TENM3: variants seen among roughly 807,000 people sequenced by gnomAD.
TENM3 encodes teneurin transmembrane protein 3, also known as teneurin-3.
TENM3 carries 63 observed loss-of-function variants against 255.1 expected under a neutral mutation model. The ratio of observed to expected loss-of-function variants is 0.25; its 90% CI spans 0.20 to 0.30. The LOEUF is 0.30. Among genes scored for constraint, TENM3 ranks in the 10% least tolerant of loss-of-function variants. TENM3 has a pLI of 1.00. For synonymous variants in TENM3, 1,306 were observed against 1,322.3 expected, an observed-to-expected ratio of 0.99 and a Z score of 0.27; for missense variants, 2,929 against 3,461.1, an observed-to-expected ratio of 0.85 and a Z score of 3.86.
At chr4:181,924,661 C>T in the TENM3 span, among the ~76,000 whole-genome samples, 1 of 152,070 alleles carries the variant, frequency 6.6e-6, no homozygotes, top group Non-Finnish European at 1.5e-5. Context: ...TTTACATATT[C>T]ATCTTTTAAA....
intron 1 of TENM3, among the ~76,000 whole-genome samples, chr4:182,185,170 C>T (rs1160169977): frequency 1.3e-5 from 2 of 152,102 alleles, no homozygotes; most frequent in Non-Finnish European, 2.9e-5. Flanking sequence ...GGGTGTCTTC[C>T]ATCAGTCTTA....
intron 19 of TENM3, among the ~76,000 whole-genome samples, chr4:182,747,942 C>G (rs145206292): frequency 1.1e-3 from 172 of 152,264 alleles, no homozygotes; most frequent in African/African-American, 4.0e-3. Context: ...CTTCAAATGT[C>G]TTGTGTTCTA....
rs1392294089 is a variant in TENM3 at position 182,158,444 on chromosome 4, C to T, written c.-76+13690C>T. On this transcript the variant is annotated intron_variant, in intron 1 of 2. Transcript: ENST00000512480. The stretch of plus-strand genomic sequence containing the variant: ...GCAGTAGGTCTCCAGCAGAGGCTGC[C>T]TCATGGAGAAATCCAGGAAGGGCTG... Among the ~76,000 whole-genome samples the T allele has an allele frequency of 1.1e-4, 16 of 152,094 alleles. No individual in the cohort carries two copies. In the East Asian group the frequency reaches 3.1e-3, roughly 29 times the overall value.
chr4:181,839,403 AT>A, the TENM3 span, among the ~76,000 whole-genome samples: 1 of 144,536 alleles, frequency 6.9e-6, no homozygotes, highest in Non-Finnish European at 1.5e-5. Flanking sequence ...ATACATATAT[AT>A]ATACATGTAT....
chr4:181,894,308 G>A, the TENM3 span, among the ~76,000 whole-genome samples: 1 of 152,122 alleles, frequency 6.6e-6, no homozygotes, highest in Non-Finnish European at 1.5e-5. Flanking sequence ...GAGGGCTAGC[G>A]AGAAAAGTAA....
chr4:181,634,666 T>C, the TENM3 span, among the ~76,000 whole-genome samples: 1 of 152,186 alleles, frequency 6.6e-6, no homozygotes, highest in South Asian at 2.1e-4. Flanking sequence ...AAGCCTCTGC[T>C]TATCTCTAAT....
At chr4:181,897,490 C>T in the TENM3 span, among the ~76,000 whole-genome samples, 168 of 152,280 alleles carry the variant, frequency 1.1e-3, no homozygotes, top group Non-Finnish European at 1.9e-3. Flanking sequence ...AAAGGTAGAA[C>T]ATTGTTCCAT....
the TENM3 span, among the ~76,000 whole-genome samples, chr4:181,997,978 A>T: frequency 6.6e-6 from 1 of 152,340 alleles, no homozygotes; most frequent in Non-Finnish European, 1.5e-5. Context: ...CAGGACAAAA[A>T]GATTCTTCTA....
the TENM3 span, among the ~76,000 whole-genome samples, chr4:181,920,867 G>A: frequency 1.3e-5 from 2 of 152,154 alleles, no homozygotes; most frequent in Non-Finnish European, 2.9e-5. Context: ...ACGGTTTTAG[G>A]TCTAACGTTT....
At chr4:182,516,693 C>T (rs74637860) in intron 3 of TENM3, among the ~76,000 whole-genome samples, 11,509 of 152,138 alleles carry the variant, frequency 0.076, 490 homozygotes, top group East Asian at 0.11. Flanking sequence ...GAGTTCTAGA[C>T]TAGCCTGGCC....
the TENM3 span, among the ~76,000 whole-genome samples, chr4:181,894,701 T>A: frequency 1.3e-5 from 2 of 151,660 alleles, no homozygotes; most frequent in African/African-American, 2.4e-5. Flanking sequence ...GTTAGGGGCT[T>A]TGCCAAGTCA....
chr4:181,960,776 G>C, the TENM3 span, among the ~76,000 whole-genome samples: 10 of 152,114 alleles, frequency 6.6e-5, no homozygotes, highest in African/African-American at 2.4e-4. Flanking sequence ...TTTTAGAACA[G>C]AAGTATGGTA....
At chr4:182,478,518 T>G (rs1420178281) in intron 3 of TENM3, among the ~76,000 whole-genome samples, 1 of 152,006 alleles carries the variant, frequency 6.6e-6, no homozygotes, top group Non-Finnish European at 1.5e-5. Flanking sequence ...GCTGTACTAT[T>G]TTTCAAGATT....
At chr4:181,472,078 C>T in the TENM3 span, among the ~76,000 whole-genome samples, 1 of 152,134 alleles carries the variant, frequency 6.6e-6, no homozygotes, top group Admixed American at 6.5e-5. Context: ...AAAGAGTGAC[C>T]TACCTGCTTC....
chr4:182,162,837 G>A (rs1751445501), intron 1 of TENM3, among the ~76,000 whole-genome samples: 1 of 152,170 alleles, frequency 6.6e-6, no homozygotes, highest in Admixed American at 6.5e-5. Context: ...TTCCATCCAT[G>A]AGAGCAGAGC....
At chr4:181,765,431 T>G in the TENM3 span, among the ~76,000 whole-genome samples, 1 of 152,182 alleles carries the variant, frequency 6.6e-6, no homozygotes, top group Admixed American at 6.5e-5. Context: ...ATTACCACAT[T>G]GATATTAATG....
At chr4:182,098,648 A>G in the TENM3 span, among the ~76,000 whole-genome samples, 3 of 152,184 alleles carry the variant, frequency 2.0e-5, no homozygotes, top group East Asian at 3.9e-4. Flanking sequence ...AGAGGGTAGA[A>G]TTGTGGTAGC....
At chr4:182,222,570 T>C (rs1316922460) in intron 1 of TENM3, among the ~76,000 whole-genome samples, 1 of 152,244 alleles carries the variant, frequency 6.6e-6, no homozygotes, top group Non-Finnish European at 1.5e-5. Context: ...GATGGGATTG[T>C]ACCTTGGTTA....
At chr4:182,202,566 A>G (rs192412235) in intron 1 of TENM3, among the ~76,000 whole-genome samples, 1 of 151,954 alleles carries the variant, frequency 6.6e-6, no homozygotes, top group Admixed American at 6.5e-5. Context: ...CGGCCTCCCA[A>G]AGTGCTGGGA....
Sources: gnomAD v4.1 joint callset for allele counts (sites outside exome capture counted in the v4.1 genomes callset) on GRCh38, gnomAD v4.1.1 for gene constraint, MANE v1.5 for transcripts, NCBI Gene and HGNC (gene_info 2026-07-23, HGNC 2026-07-21) for gene names.